The following STK32B variants were observed in gnomAD, a reference collection of about 807,000 sequenced individuals.
The protein encoded by STK32B is serine/threonine kinase 32B.
A neutral mutation model predicts 52.6 loss-of-function variants in STK32B; 43 were observed. The ratio of observed to expected loss-of-function variants is 0.82; its 90% CI spans 0.64 to 1.05. The LOEUF (loss-of-function observed/expected upper bound fraction) is 1.05. STK32B is among the 50% of genes least tolerant of loss of function. STK32B has a pLI of 0.00. For missense variants in STK32B, 621 were observed against 534.6 expected (o/e 1.16, Z -1.59); for synonymous variants, 238 against 204.3 (o/e 1.17, Z -1.41).
chr4:5,491,753 G>C (rs1719754738), intron 11 of STK32B, among the ~76,000 whole-genome samples: 1 of 151,652 alleles, frequency 6.6e-6, no homozygotes, highest in Admixed American at 6.6e-5. Context: ...ATTAATTTTT[G>C]TATAAGGTGT....
At chr4:5,487,185 G>C (rs1036126668) in intron 11 of STK32B, among the ~76,000 whole-genome samples, 1 of 152,114 alleles carries the variant, frequency 6.6e-6, no homozygotes. Context: ...AAGATATGTG[G>C]GTCTTTGTCA....
intron 6 of STK32B, among the ~76,000 whole-genome samples, chr4:5,433,702 C>T (rs546900650): frequency 3.0e-4 from 46 of 152,312 alleles, no homozygotes; most frequent in Non-Finnish European, 5.7e-4. Context: ...TGTCAGCTCG[C>T]AGGCTAGATG....
intron 2 of STK32B, among the ~76,000 whole-genome samples, chr4:5,157,454 G>C (rs771425106): frequency 6.6e-6 from 1 of 152,200 alleles, no homozygotes; most frequent in African/African-American, 2.4e-5. Flanking sequence ...TGACCTGCAA[G>C]GGTGGGACTG....
Position 5,134,385 on chromosome 4 carries a change from G to A in STK32B, c.53-5520G>A, listed in dbSNP as rs141063730. On this transcript the variant is annotated intron_variant, in intron 1 of 11. Coordinates refer to ENST00000282908, the MANE Select transcript of STK32B (RefSeq NM_018401.3). Reference sequence around the variant, plus strand: ...TCACAAGAGTGAATTACAAAAGCAAGCTTAGCCCCCTCTTGCTCCTTTGTT... The same window carrying A: ...TCACAAGAGTGAATTACAAAAGCAAACTTAGCCCCCTCTTGCTCCTTTGTT... Among the ~76,000 whole-genome samples, 170 of 152,296 alleles carry A rather than the reference G, an allele frequency of 1.1e-3. 1 individual carries two copies. Among genetic ancestry groups the A allele is most frequent in the African/African-American group, 3.9e-3 (164 of 41,564 alleles).
intron 4 of STK32B, among the ~76,000 whole-genome samples, chr4:5,389,474 C>G (rs763714587): frequency 6.6e-6 from 1 of 152,148 alleles, no homozygotes; most frequent in East Asian, 1.9e-4. Context: ...TTCACAAGAC[C>G]GTTCCTCTGC....
chr4:5,384,087 G>A (rs932290483), intron 4 of STK32B, among the ~76,000 whole-genome samples: 3 of 152,200 alleles, frequency 2.0e-5, no homozygotes, highest in African/African-American at 4.8e-5. Flanking sequence ...AGGCCATAGC[G>A]GGGGACAATG....
the STK32B span, among the ~76,000 whole-genome samples, chr4:5,040,778 T>A: frequency 6.6e-6 from 1 of 152,136 alleles, no homozygotes; most frequent in Non-Finnish European, 1.5e-5. Flanking sequence ...CCATGGGACA[T>A]GGTCTGAGAT....
At chr4:5,056,373 T>C (rs185862601) in intron 1 of STK32B, among the ~76,000 whole-genome samples, 1 of 152,360 alleles carries the variant, frequency 6.6e-6, no homozygotes, top group Admixed American at 6.5e-5. Context: ...GTAGGAGTTT[T>C]GCATAGTTTA....
chr4:5,048,190 C>G (rs905070712), upstream of STK32B, among the ~76,000 whole-genome samples: 138 of 151,808 alleles, frequency 9.1e-4, no homozygotes, highest in Non-Finnish European at 4.0e-4. Flanking sequence ...AGTGCAGTGA[C>G]GCAATCTTGG....
At chr4:5,101,459 A>C (rs1343589309) in intron 1 of STK32B, among the ~76,000 whole-genome samples, 1 of 152,224 alleles carries the variant, frequency 6.6e-6, no homozygotes, top group African/African-American at 2.4e-5. Context: ...AAGAAAAGGC[A>C]TTTGGCTCAC....
chr4:5,031,105 G>A, the STK32B span, among the ~76,000 whole-genome samples: 1 of 152,232 alleles, frequency 6.6e-6, no homozygotes, highest in South Asian at 2.1e-4. Context: ...CTCTTGGTGG[G>A]TCTCAGACTT....
chr4:5,439,581 T>TTGCTG (rs1453923299), intron 6 of STK32B, among the ~76,000 whole-genome samples: 3 of 151,546 alleles, frequency 2.0e-5, no homozygotes, highest in African/African-American at 7.3e-5. Flanking sequence ...GTAGTTTCTT[T>TTGCTG]TGCTGTGCAG....
At chr4:5,440,120 G>GT (rs1260885847) in intron 6 of STK32B, among the ~76,000 whole-genome samples, 3 of 152,064 alleles carry the variant, frequency 2.0e-5, no homozygotes, top group Non-Finnish European at 2.9e-5. Flanking sequence ...CTTTAAAGTA[G>GT]TTTTTTCCAA....
At chr4:5,447,723 G>A (rs184175529) in intron 7 of STK32B, among the ~76,000 whole-genome samples, 136 of 152,350 alleles carry the variant, frequency 8.9e-4, no homozygotes, top group Non-Finnish European at 1.5e-3. Context: ...ACTTCACCAT[G>A]TCTCAGGACC....
intron 3 of STK32B, among the ~76,000 whole-genome samples, chr4:5,227,522 C>T (rs897720704): frequency 6.6e-6 from 1 of 152,090 alleles, no homozygotes. Flanking sequence ...TTCTAAAAGA[C>T]GAATTTTCAC....
At chr4:5,358,387 G>A (rs926197587) in intron 4 of STK32B, among the ~76,000 whole-genome samples, 1 of 152,162 alleles carries the variant, frequency 6.6e-6, no homozygotes, top group Non-Finnish European at 1.5e-5. Flanking sequence ...AGTAAATCGG[G>A]TCAGCATTTT....
chr4:5,401,821 A>C (rs922753994), intron 5 of STK32B, among the ~76,000 whole-genome samples: 1 of 152,252 alleles, frequency 6.6e-6, no homozygotes, highest in Non-Finnish European at 1.5e-5. Flanking sequence ...TCGCATAAAC[A>C]AAAAACATCC....
chr4:5,350,705 T>C (rs1315810000), intron 4 of STK32B, among the ~76,000 whole-genome samples: 5 of 152,096 alleles, frequency 3.3e-5, no homozygotes, highest in African/African-American at 1.2e-4. Flanking sequence ...GATGAGTGGA[T>C]TTAAAAGCAT....
chr4:5,051,758 C>T lies in STK32B; in HGVS notation c.-106C>T. On this transcript the variant is annotated 5_prime_UTR_variant, in exon 1 of 12. Coordinates refer to ENST00000282908, the MANE Select transcript of STK32B (RefSeq NM_018401.3). ...CCTCGGGCTCCGCGCGCGGCTACAACCCGGACTGGGCGCGCCCCCGGCATC... is the reference window on the plus strand; with the variant it reads ...CCTCGGGCTCCGCGCGCGGCTACAATCCGGACTGGGCGCGCCCCCGGCATC... 6.7e-7 allele frequency: 1 copy of T among 1,498,568 alleles called. No individual in the cohort carries two copies. The highest frequency in any genetic ancestry group is 9.0e-7 in the Non-Finnish European group (1 of 1,111,738). The allele number at this position is 1,498,568 out of a possible 1,614,324, so 92.8% of individuals were successfully genotyped here.
Sources: allele counts gnomAD v4.1 joint callset (sites outside exome capture counted in the v4.1 genomes callset), GRCh38; gene constraint gnomAD v4.1.1; transcripts MANE v1.5; gene names NCBI Gene and HGNC (gene_info 2026-07-23, HGNC 2026-07-21).